Variants in SEMA4B observed in about 807,000 individuals in gnomAD.
SEMA4B encodes the protein semaphorin-4B.
A neutral mutation model predicts 88.1 loss-of-function variants in SEMA4B; 55 were observed. The observed-to-expected ratio is 0.62, with a 90% CI of 0.50 to 0.78. The LOEUF is 0.78. SEMA4B is among the 30% of genes least tolerant of loss of function. The pLI, the probability that SEMA4B is intolerant of heterozygous loss-of-function variation, is 0.00. For synonymous variants in SEMA4B, 525 were observed against 473.6 expected, an observed-to-expected ratio of 1.11 and a Z score of -1.41; for missense variants, 1,062 against 1,111.9, an observed-to-expected ratio of 0.96 and a Z score of 0.64.
rs933201581 is a variant in SEMA4B, at chr15:90,228,867, G to A, written c.*224G>A. On this transcript the variant is annotated 3_prime_UTR_variant, in exon 14 of 14. Transcript: ENST00000411539. ...GCCCCAGAGGTCCTGGCCAAATATG[G>A]GGGCCTGCCTAGGTTGGTGGAACAG... The A allele has an allele frequency of 4.9e-6, 3 of 606,812 alleles. No individual in the cohort carries two copies. Among genetic ancestry groups the A allele is most frequent in the Non-Finnish European group, 8.7e-6 (3 of 346,782 alleles). 37.6% of individuals were successfully genotyped at this position (606,812 alleles called of 1,614,324 possible).
intron 11 of SEMA4B, 118 bp downstream of exon 11, chr15:90,225,515 C>G: frequency 7.8e-7 from 1 of 1,289,896 alleles, no homozygotes. Flanking sequence ...GATAAAGGAT[C>G]CAGTCATGAA....
At chr15:90,224,021 G>A (rs117741451) in intron 9 of SEMA4B, 33 bp downstream of exon 9, 19,232 of 1,586,696 alleles carry the variant, frequency 0.012, 148 homozygotes, top group Non-Finnish European at 0.015. Context: ...CAGAAGGGGT[G>A]CCGGGAAGAT....
upstream of SEMA4B, among the ~76,000 whole-genome samples, chr15:90,196,415 C>T (rs951054263): frequency 2.6e-5 from 4 of 152,146 alleles, no homozygotes; most frequent in Non-Finnish European, 4.4e-5. Flanking sequence ...AGTTTCGTAA[C>T]AATCTTCCAC....
At chr15:90,211,368 G>C (rs927486483) in intron 1 of SEMA4B, among the ~76,000 whole-genome samples, 4 of 152,224 alleles carry the variant, frequency 2.6e-5, no homozygotes, top group Non-Finnish European at 5.9e-5. Context: ...GTGAGGCCAG[G>C]TTCCCTTGCC....
At chr15:90,227,819 G>C in intron 13 of SEMA4B, 85 bp from the exon 14 acceptor site, 1 of 1,579,846 alleles carries the variant, frequency 6.3e-7, no homozygotes, top group Non-Finnish European at 8.6e-7. Context: ...CGTGGCACCA[G>C]GGGCATAGCC....
intron 3 of SEMA4B, 138 bp downstream of exon 3, chr15:90,217,967 C>T (rs570096901): frequency 1.0e-4 from 72 of 696,632 alleles, no homozygotes; most frequent in Admixed American, 4.1e-4. Context: ...GATTACCCGG[C>T]CTGGGTTTGA....
At chr15:90,198,529 C>T (rs1037143964), upstream of SEMA4B, among the ~76,000 whole-genome samples, 1 of 152,136 alleles carries the variant, frequency 6.6e-6, no homozygotes, top group Non-Finnish European at 1.5e-5. Context: ...AAAAATATCT[C>T]AAGGTATTTT....
At chr15:90,208,128 C>T (rs912593768) in intron 1 of SEMA4B, among the ~76,000 whole-genome samples, 1 of 151,968 alleles carries the variant, frequency 6.6e-6, no homozygotes, top group Admixed American at 6.6e-5. Context: ...GTGGCAGGCA[C>T]CTGTAATCCC....
At chr15:90,198,686 C>T (rs1176740777), upstream of SEMA4B, among the ~76,000 whole-genome samples, 2 of 151,990 alleles carry the variant, frequency 1.3e-5, no homozygotes, top group East Asian at 1.9e-4. Flanking sequence ...CCTGCTGGTT[C>T]GGGCTACTAT....
Position 90,228,905 on chromosome 15 carries a change from A to T in SEMA4B, c.*262A>T. 1.8e-6 allele frequency: 1 copy of T among 570,462 alleles called. No individual in the cohort carries two copies. Among genetic ancestry groups the T allele is most frequent in the Middle Eastern group, 3.2e-4 (1 of 3,114 alleles). The allele number at this position is 570,462 out of a possible 1,614,324, so 35.3% of individuals were successfully genotyped here. A position where few individuals can be genotyped will look rare whatever the true frequency, so the allele number is the denominator to read the frequency against. ...GTTGGTGGAACAGTGCTCCTTATGTAAACTGAGCCCTTTGTTTAAAAAACA... is the reference window on the plus strand; with the variant it reads ...GTTGGTGGAACAGTGCTCCTTATGTTAACTGAGCCCTTTGTTTAAAAAACA... On this transcript the variant is annotated 3_prime_UTR_variant, in exon 14 of 14. Coordinates refer to ENST00000411539, the MANE Select transcript of SEMA4B (RefSeq NM_198925.4).
chr15:90,200,337 C>G (rs1222815074), upstream of SEMA4B, among the ~76,000 whole-genome samples: 1 of 152,220 alleles, frequency 6.6e-6, no homozygotes, highest in East Asian at 1.9e-4. Context: ...GAGGCTTTCA[C>G]TCTTTTGGAC....
Position 90,228,718 on chromosome 15 carries a change from T to G in SEMA4B, c.*75T>G. On this transcript the variant is annotated 3_prime_UTR_variant, in exon 14 of 14. Coordinates refer to ENST00000411539, the MANE Select transcript of SEMA4B (RefSeq NM_198925.4). Reference sequence around the variant, plus strand: ...CGGAGAGGGTCAACTGGACCTCCCCTCCGCTCTGCTCTTCGTGGAACACGA... The same window carrying G: ...CGGAGAGGGTCAACTGGACCTCCCCGCCGCTCTGCTCTTCGTGGAACACGA... The G allele has an allele frequency of 1.3e-6, 2 of 1,569,830 alleles. No individual in the cohort carries two copies. Among genetic ancestry groups the G allele is most frequent in the Non-Finnish European group, 1.7e-6 (2 of 1,152,842 alleles).
At position 90,227,894 on chromosome 15, in the gene SEMA4B, C is replaced by A; in HGVS notation, c.1775-10C>A. On this transcript the variant is annotated splice_polypyrimidine_tract_variant and intron_variant, in intron 13 of 13. Transcript: ENST00000411539. ...GGCACCCCCCTACCCCATGCCTTTT[C>A]TGCCTACAGGGGAGAAGCCATGTGA... is the stretch of plus-strand genomic sequence containing the variant. The A allele has an allele frequency of 6.2e-7, 1 of 1,609,542 alleles. No homozygotes were observed. Among genetic ancestry groups the A allele is most frequent in the East Asian group, 2.2e-5 (1 of 44,880 alleles).
In SEMA4B at chr15:90,221,629, C is replaced by T; in HGVS notation, c.725C>T (p.Ala242Val). ...GTCCCTACAGACCCAGCTTTTGTGGCCTCAGCCTACATTCCTGAGAGCCTG... is the reference window on the plus strand; with the variant it reads ...GTCCCTACAGACCCAGCTTTTGTGGTCTCAGCCTACATTCCTGAGAGCCTG... ...LNWLQDPAFV[A>V]SAYIPESLGS... The change falls in exon 7 of 14, where the codon GCC (alanine) becomes GTC (valine). Residue 242 changes from alanine (A) to valine (V), a missense_variant. Ala to Val is a moderately conservative substitution (Grantham distance 64). Coordinates refer to ENST00000411539, the MANE Select transcript of SEMA4B (RefSeq NM_198925.4). 1 of 1,614,048 alleles carries T rather than the reference C, an allele frequency of 6.2e-7. No individual in the cohort carries two copies. Among genetic ancestry groups the T allele is most frequent in the Non-Finnish European group, 8.5e-7 (1 of 1,179,896 alleles).
rs771330757 is a variant in SEMA4B, at chr15:90,221,466, T to C, written c.695T>C (p.Leu232Pro). The C allele has an allele frequency of 1.3e-6, 2 of 1,594,380 alleles. No homozygotes were observed. The highest frequency in any genetic ancestry group is 8.5e-7 in the Non-Finnish European group (1 of 1,170,886). Residue 232 changes from leucine (L) to proline (P), a missense_variant, in exon 6 of 14, where the codon CTC becomes CCC. Coordinates refer to ENST00000411539, the MANE Select transcript of SEMA4B (RefSeq NM_198925.4). ...SLRPTKTESS[L>P]NWLQDPAFVA... ...CGCCCCACCAAGACCGAGAGCTCCC[T>C]CAACTGGCTGCAAGGTGAAGTCCTC...
chr15:90,222,579 T>C, intron 7 of SEMA4B, among the ~76,000 whole-genome samples: 1 of 149,300 alleles, frequency 6.7e-6, no homozygotes. Context: ...AAAAAAAAAA[T>C]GTGAAAATAG....
At chr15:90,225,633 C>A in intron 11 of SEMA4B, 28 bp from the exon 12 acceptor site, 1 of 1,552,986 alleles carries the variant, frequency 6.4e-7, no homozygotes, top group South Asian at 1.2e-5. Context: ...CCCATGCCCG[C>A]TTCTCATCCC....
At chr15:90,201,301 G>A, upstream of SEMA4B, 2 of 1,128,174 alleles carry the variant, frequency 1.8e-6, no homozygotes, top group Non-Finnish European at 2.2e-6. Flanking sequence ...GCTCACGGCC[G>A]ACTTCCTCCT....
Position 90,229,640 on chromosome 15 carries a change from GTC to G in SEMA4B, c.*999_*1000del. 3.0e-6 allele frequency: 1 copy of G among 335,936 alleles called. No homozygotes were observed. The highest frequency in any genetic ancestry group is 5.8e-6 in the Non-Finnish European group (1 of 171,774). The allele number at this position is 335,936 out of a possible 1,614,324, so 20.8% of individuals were successfully genotyped here. ...GCACTTTATGTCATTTTTTAATAAA[GTC>G]TGAAGAATTACTGTTTAATCCTGGC... is the stretch of plus-strand genomic sequence containing the variant. On this transcript the variant is annotated 3_prime_UTR_variant, in exon 14 of 14. Coordinates refer to ENST00000411539, the MANE Select transcript of SEMA4B (RefSeq NM_198925.4).
Sources: allele counts gnomAD v4.1 joint callset (sites outside exome capture counted in the v4.1 genomes callset), GRCh38; gene constraint gnomAD v4.1.1; transcripts MANE v1.5; gene names NCBI Gene and HGNC (gene_info 2026-07-23, HGNC 2026-07-21).